GPBP1L1: variants seen among roughly 807,000 people sequenced by gnomAD.
GPBP1L1 encodes GC-rich promoter binding protein 1 like 1.
GPBP1L1 carries 23 observed loss-of-function variants against 52.5 expected under a neutral mutation model. The ratio of observed to expected loss-of-function variants is 0.44; its 90% CI spans 0.32 to 0.62. GPBP1L1 has a LOEUF of 0.62. Ranked by LOEUF, GPBP1L1 falls within the 20% of genes least tolerant of loss-of-function variation. The pLI, the probability that GPBP1L1 is intolerant of heterozygous loss-of-function variation, is 0.06. For missense variants in GPBP1L1, 596 were observed against 579.3 expected (o/e 1.03, Z -0.30); for synonymous variants, 243 against 203.1 (o/e 1.20, Z -1.67).
At chr1:45,686,358 C>G (rs1464692193) in intron 1 of GPBP1L1, 54 bp downstream of exon 1, 1 of 152,562 alleles carries the variant, frequency 6.6e-6, no homozygotes, top group African/African-American at 2.4e-5. Flanking sequence ...CGGAGCCCCG[C>G]GCCAGAACGA....
chr1:45,634,015 G>A (rs535253505), intron 9 of GPBP1L1, 81 bp downstream of exon 9: 19 of 1,352,482 alleles, frequency 1.4e-5, no homozygotes, highest in Middle Eastern at 3.8e-4. Context: ...AAGTGTCACA[G>A]CTATACATAT....
At chr1:45,629,454 T>TCCCCACC in intron 12 of GPBP1L1, 122 bp downstream of exon 12, 1 of 115,396 alleles carries the variant, frequency 8.7e-6, no homozygotes. Flanking sequence ...ACTAAGGTAA[T>TCCCCACC]CCCCCCCCCC....
chr1:45,670,819 G>A (rs1174364402), intron 2 of GPBP1L1, among the ~76,000 whole-genome samples: 50 of 129,230 alleles, frequency 3.9e-4, no homozygotes, highest in Non-Finnish European at 6.9e-4. Flanking sequence ...GTGAGATGGA[G>A]TCTCACTCTG....
At chr1:45,679,946 C>T (rs1056045778) in intron 2 of GPBP1L1, among the ~76,000 whole-genome samples, 3 of 128,054 alleles carry the variant, frequency 2.3e-5, no homozygotes, top group African/African-American at 9.1e-5. Flanking sequence ...CTTGTATTCC[C>T]AGCAGGGCGG....
chr1:45,628,839 T>C (rs1324944086), intron 12 of GPBP1L1, among the ~76,000 whole-genome samples: 2 of 152,154 alleles, frequency 1.3e-5, no homozygotes, highest in South Asian at 2.1e-4. Flanking sequence ...AATTTTTGTA[T>C]TTTTAGTAGA....
intron 3 of GPBP1L1, 60 bp downstream of exon 3, chr1:45,660,124 T>C: frequency 1.1e-6 from 1 of 930,458 alleles, no homozygotes; most frequent in Non-Finnish European, 1.3e-6. Context: ...CAGTCGGTAT[T>C]TTTCATGATG....
intron 2 of GPBP1L1, among the ~76,000 whole-genome samples, chr1:45,680,956 A>T (rs778629502): frequency 6.6e-6 from 1 of 152,212 alleles, no homozygotes; most frequent in East Asian, 1.9e-4. Context: ...TGCTGAGACA[A>T]CTATTCATTA....
intron 2 of GPBP1L1, among the ~76,000 whole-genome samples, chr1:45,682,381 C>T (rs2148523801): frequency 1.3e-5 from 2 of 152,310 alleles, no homozygotes; most frequent in Middle Eastern, 6.8e-3. Context: ...AATAGACCTA[C>T]TGCTCAGAAA....
chr1:45,632,942 C>T (rs1644548897), intron 10 of GPBP1L1, among the ~76,000 whole-genome samples: 1 of 152,162 alleles, frequency 6.6e-6, no homozygotes, highest in Non-Finnish European at 1.5e-5. Context: ...CATGATATGT[C>T]ATCATGGAAG....
intron 8 of GPBP1L1, among the ~76,000 whole-genome samples, chr1:45,639,700 A>AC (rs958959026): frequency 3.3e-5 from 5 of 151,798 alleles, no homozygotes; most frequent in Non-Finnish European, 7.4e-5. Context: ...CAACGGTGAA[A>AC]CCCCGTCTCT....
chr1:45,680,270 G>A (rs1480041201), intron 2 of GPBP1L1, among the ~76,000 whole-genome samples: 1 of 133,700 alleles, frequency 7.5e-6, no homozygotes, highest in Non-Finnish European at 1.5e-5. Flanking sequence ...ACAGAGTCTC[G>A]CTGTGTCACC....
Position 45,634,179 on chromosome 1 carries a change from G to T in GPBP1L1, c.802C>A (p.Arg268=), listed in dbSNP as rs746739535. The T allele has an allele frequency of 2.5e-6, 4 of 1,613,686 alleles. No individual in the cohort carries two copies. Among genetic ancestry groups the T allele is most frequent in the Non-Finnish European group, 3.4e-6 (4 of 1,179,766 alleles). The change falls in exon 9 of 13, where the codon CGG becomes AGG. Residue 268 remains arginine (R), a synonymous_variant. Transcript: ENST00000355105. The part of the protein sequence containing the change: ...EHKSGSLSSS[R]ESAFTSPISV... ...ATTGGACTGGTAAAAGCAGACTCCCGGCTAGAGGAAAGGGATCCTGACTTG... is the reference window on the plus strand; with the variant it reads ...ATTGGACTGGTAAAAGCAGACTCCCTGCTAGAGGAAAGGGATCCTGACTTG...
intron 8 of GPBP1L1, among the ~76,000 whole-genome samples, chr1:45,638,128 G>C (rs1197371456): frequency 6.6e-6 from 1 of 152,168 alleles, no homozygotes; most frequent in Non-Finnish European, 1.5e-5. Flanking sequence ...CCTTTTCAAA[G>C]ATAACTGTAC....
chr1:45,640,467 T>C, intron 7 of GPBP1L1, 64 bp from the exon 8 acceptor site: 2 of 1,372,634 alleles, frequency 1.5e-6, no homozygotes, highest in Non-Finnish European at 2.1e-6. Context: ...TGAAGCATAG[T>C]TTATACAAAG....
intron 10 of GPBP1L1, among the ~76,000 whole-genome samples, chr1:45,630,925 G>T (rs1301641367): frequency 2.0e-5 from 3 of 152,170 alleles, no homozygotes; most frequent in Non-Finnish European, 4.4e-5. Context: ...GCTCATAAGA[G>T]GTGTGGGGGG....
intron 10 of GPBP1L1, among the ~76,000 whole-genome samples, chr1:45,632,254 C>T (rs1257169475): frequency 6.6e-6 from 1 of 151,910 alleles, no homozygotes; most frequent in Non-Finnish European, 1.5e-5. Flanking sequence ...AGCTAAATAA[C>T]GTGTGTCATG....
At chr1:45,676,169 A>AT (rs1477992697) in intron 2 of GPBP1L1, among the ~76,000 whole-genome samples, 1 of 152,150 alleles carries the variant, frequency 6.6e-6, no homozygotes, top group African/African-American at 2.4e-5. Flanking sequence ...AGTACTACTT[A>AT]TTTTATCTCC....
At chr1:45,677,191 C>G (rs983445563) in intron 2 of GPBP1L1, among the ~76,000 whole-genome samples, 10 of 150,672 alleles carry the variant, frequency 6.6e-5, no homozygotes, top group Non-Finnish European at 1.3e-4. Flanking sequence ...CAAAAATTAG[C>G]CACGCATGGT....
rs529649458 is a variant in GPBP1L1 at position 45,627,942 on chromosome 1, G to C, written c.*314C>G. ...TAGTAGAAGCTGTTGCTGCAGACCA[G>C]TGTCTCCTCTTCCCTGCACTGCCAG... On this transcript the variant is annotated 3_prime_UTR_variant, in exon 13 of 13. Coordinates refer to ENST00000355105, the MANE Select transcript of GPBP1L1 (RefSeq NM_021639.5). The C allele has an allele frequency of 2.1e-4, 44 of 213,866 alleles. No homozygotes were observed. Among genetic ancestry groups the C allele is most frequent in the Non-Finnish European group, 4.7e-5 (5 of 107,426 alleles). 13.2% of individuals were successfully genotyped at this position (213,866 alleles called of 1,614,324 possible).
Sources: allele counts gnomAD v4.1 joint callset (sites outside exome capture counted in the v4.1 genomes callset), GRCh38; gene constraint gnomAD v4.1.1; transcripts MANE v1.5; gene names NCBI Gene and HGNC (gene_info 2026-07-23, HGNC 2026-07-21).